The following CDC37L1 variants were observed in gnomAD, a reference collection of about 807,000 sequenced individuals.
The protein encoded by CDC37L1 is cell division cycle 37 like 1, HSP90 cochaperone.
Under a neutral mutation model 45.9 loss-of-function variants are expected in CDC37L1, and 32 were observed. That is an observed-to-expected ratio of 0.70 (90% CI 0.53 to 0.94). The LOEUF is 0.94. CDC37L1 is among the 40% of genes least tolerant of loss of function. The pLI is 0.00. For synonymous variants in CDC37L1, 150 were observed against 133.0 expected, an observed-to-expected ratio of 1.13 and a Z score of -0.88; for missense variants, 434 against 405.7, an observed-to-expected ratio of 1.07 and a Z score of -0.60.
At chr9:4,689,323 CTT>C (rs78778632) in intron 3 of CDC37L1, among the ~76,000 whole-genome samples, 3 of 144,558 alleles carry the variant, frequency 2.1e-5, no homozygotes, top group Admixed American at 6.9e-5. Context: ...AGGTTTAAAA[CTT>C]TTTTTTTTTT....
chr9:4,685,197 CTG>C, intron 2 of CDC37L1, 39 bp downstream of exon 2: 1 of 1,518,996 alleles, frequency 6.6e-7, no homozygotes. Context: ...AGAAGAAAAA[CTG>C]AAGTGTTTGT....
At chr9:4,698,748 G>A (rs549545546) in intron 5 of CDC37L1, among the ~76,000 whole-genome samples, 101 of 152,154 alleles carry the variant, frequency 6.6e-4, no homozygotes, top group Middle Eastern at 3.4e-3. Flanking sequence ...GTTCTCTGTC[G>A]AAACTATTTT....
intron 3 of CDC37L1, among the ~76,000 whole-genome samples, chr9:4,689,499 C>G (rs1841281853): frequency 6.6e-6 from 1 of 151,840 alleles, no homozygotes; most frequent in Non-Finnish European, 1.5e-5. Flanking sequence ...ATAAATATTA[C>G]TTTAAATTTT....
At chr9:4,691,364 C>T (rs899768362) in intron 3 of CDC37L1, among the ~76,000 whole-genome samples, 6 of 152,100 alleles carry the variant, frequency 3.9e-5, no homozygotes, top group African/African-American at 1.4e-4. Flanking sequence ...GTGTTGTTCC[C>T]CTTTATGTGT....
chr9:4,681,606 A>G (rs1841194553), intron 1 of CDC37L1, among the ~76,000 whole-genome samples: 1 of 152,214 alleles, frequency 6.6e-6, no homozygotes, highest in South Asian at 2.1e-4. Context: ...ATTGCATTCC[A>G]GCCTGGGCAA....
At chr9:4,687,968 T>A (rs1841265456) in intron 2 of CDC37L1, among the ~76,000 whole-genome samples, 1 of 152,184 alleles carries the variant, frequency 6.6e-6, no homozygotes, top group Non-Finnish European at 1.5e-5. Context: ...TCTGTATGAT[T>A]TCTAAGATGA....
At chr9:4,703,337 C>A (rs1841416891) in intron 6 of CDC37L1, 2 of 317,706 alleles carry the variant, frequency 6.3e-6, no homozygotes, top group East Asian at 4.9e-5. Context: ...TATCAGGAGT[C>A]TCTGAGCCTA....
chr9:4,679,999 G>C, intron 1 of CDC37L1, 100 bp downstream of exon 1: 1 of 1,450,288 alleles, frequency 6.9e-7, no homozygotes, highest in Admixed American at 2.1e-5. Context: ...CTTTTTCTAC[G>C]CCCACCTCAC....
chr9:4,688,545 A>G lies in CDC37L1; in HGVS notation c.447A>G (p.Thr149=). The G allele has an allele frequency of 6.5e-7, 1 of 1,531,046 alleles. No individual in the cohort carries two copies. Among genetic ancestry groups the G allele is most frequent in the Non-Finnish European group, 8.8e-7 (1 of 1,135,052 alleles). 94.8% of individuals were successfully genotyped at this position (1,531,046 alleles called of 1,614,324 possible). A position where few individuals can be genotyped will look rare whatever the true frequency, so the allele number is the denominator to read the frequency against. Residue 149 remains threonine (T), a synonymous_variant, in exon 3 of 7, where the codon ACA becomes ACG. Coordinates refer to ENST00000381854, the MANE Select transcript of CDC37L1 (RefSeq NM_017913.4). ...SFINQDKRKD[T]EDEDKSESFM... is the part of the protein sequence containing the mutation. ...TTAATCAAGATAAAAGAAAAGACAC[A>G]GAAGATGAAGATAAATCAGAATCAT... is the stretch of plus-strand genomic sequence containing the variant.
intron 3 of CDC37L1, among the ~76,000 whole-genome samples, chr9:4,692,676 C>A (rs549269913): frequency 1.3e-5 from 2 of 152,194 alleles, no homozygotes; most frequent in East Asian, 3.9e-4. Context: ...CTTTTATTTT[C>A]CGGATTTTAA....
chr9:4,690,839 G>C (rs1377526965), intron 3 of CDC37L1, among the ~76,000 whole-genome samples: 2 of 152,220 alleles, frequency 1.3e-5, no homozygotes, highest in Non-Finnish European at 2.9e-5. Context: ...ATGTTACAAA[G>C]GTAGTAGGCT....
At position 4,701,924 on chromosome 9, in the gene CDC37L1, G is replaced by C. The variant is rs774288985; in HGVS notation, c.808G>C (p.Val270Leu). 5.0e-6 allele frequency: 8 copies of C among 1,602,226 alleles called. No individual in the cohort carries two copies. The highest frequency in any genetic ancestry group is 6.0e-6 in the Non-Finnish European group (7 of 1,174,762). Reference sequence around the variant, plus strand: ...TGAACTTGAAGCTTTCAAGTCAAGAGTAAGACTTTATTCTCAATCACAAAG... The same window carrying C: ...TGAACTTGAAGCTTTCAAGTCAAGACTAAGACTTTATTCTCAATCACAAAG... Reference protein sequence around the residue: ...KNELEAFKSRVRLYSQSQSFQ... With the variant: ...KNELEAFKSRLRLYSQSQSFQ... The change falls in exon 6 of 7, where the codon GTA becomes CTA. Residue 270 changes from valine (V) to leucine (L), a missense_variant. Val to Leu is a conservative substitution (Grantham distance 32). Coordinates refer to ENST00000381854, the MANE Select transcript of CDC37L1 (RefSeq NM_017913.4).
At chr9:4,686,424 A>G (rs564819787) in intron 2 of CDC37L1, among the ~76,000 whole-genome samples, 37 of 152,194 alleles carry the variant, frequency 2.4e-4, no homozygotes, top group African/African-American at 8.7e-4. Context: ...CATTTGCTAT[A>G]TCTGTATATA....
In CDC37L1 at chr9:4,701,959, T is replaced by G; in HGVS notation, c.843T>G (p.Pro281=). The change falls in exon 6 of 7, where the codon CCT becomes CCG. Residue 281 remains proline, a synonymous_variant. Coordinates refer to ENST00000381854, the MANE Select transcript of CDC37L1 (RefSeq NM_017913.4). ...RLYSQSQSFQ[P]MTVQNHVPHS... ...ATTCTCAATCACAAAGTTTTCAACC[T>G]ATGACAGTTCAGAATCATGTTCCCC... 6.3e-7 allele frequency: 1 copy of G among 1,576,206 alleles called. No individual in the cohort carries two copies.
In CDC37L1 at chr9:4,685,128, G is replaced by A. The variant is rs141701741; in HGVS notation, c.384G>A (p.Thr128=). The stretch of plus-strand genomic sequence containing the variant: ...GAGAGAAGATGTGTCTGTGGAGCAC[G>A]GATGCCATTAGCAAGGATGTTTTTA... The part of the protein sequence containing the change: ...VQREKMCLWS[T]DAISKDVFNK... The change falls in exon 2 of 7, where the codon ACG becomes ACA. Residue 128 remains threonine (T), a synonymous_variant. Coordinates refer to ENST00000381854, the MANE Select transcript of CDC37L1 (RefSeq NM_017913.4). The A allele has an allele frequency of 9.8e-4, 1,579 of 1,613,756 alleles. 19 individuals are homozygous for A. The South Asian group carries it at 0.016, about 16-fold the overall frequency.
chr9:4,681,165 A>C (rs1469203787), intron 1 of CDC37L1, among the ~76,000 whole-genome samples: 4 of 152,218 alleles, frequency 2.6e-5, no homozygotes, highest in Non-Finnish European at 5.9e-5. Context: ...TCAATTTTGA[A>C]GGCATATGAA....
rs759800167 is a variant in CDC37L1, at chr9:4,708,379, T to TA, written c.*2274dup. 18 of 151,024 alleles carry TA rather than the reference T, an allele frequency of 1.2e-4. No individual in the cohort carries two copies. Among genetic ancestry groups the TA allele is most frequent in the African/African-American group, 3.7e-4 (15 of 40,940 alleles). The allele number at this position is 151,024 out of a possible 1,614,324, so 9.4% of individuals were successfully genotyped here. ...TCATTTGATAAAATTAATATTTGAA[T>TA]AAAAAAATTTTTAAATCAAATAGCT... On this transcript the variant is annotated 3_prime_UTR_variant, in exon 7 of 7. Transcript: ENST00000381854.
chr9:4,683,146 T>C (rs966421211), intron 1 of CDC37L1, among the ~76,000 whole-genome samples: 3 of 145,360 alleles, frequency 2.1e-5, no homozygotes, highest in Admixed American at 7.1e-5. Flanking sequence ...TATATGAATA[T>C]ATATTATAAA....
rs770578513 is a variant in CDC37L1 at position 4,679,734 on chromosome 9, C to T, written c.-34C>T. 2.6e-5 allele frequency: 41 copies of T among 1,595,466 alleles called. No homozygotes were observed. The Admixed American group carries it at 6.0e-4, about 23-fold the overall frequency. On this transcript the variant is annotated 5_prime_UTR_variant, in exon 1 of 7. Transcript: ENST00000381854. The stretch of plus-strand genomic sequence containing the variant: ...TCTGTTGGCAGTGGCAGTTGTAGGG[C>T]CAAGGGCGGTTGTAGGACCCGGAGC...
Sources: gnomAD v4.1 joint callset for allele counts (sites outside exome capture counted in the v4.1 genomes callset) on GRCh38, gnomAD v4.1.1 for gene constraint, MANE v1.5 for transcripts, NCBI Gene and HGNC (gene_info 2026-07-23, HGNC 2026-07-21) for gene names.